Variants in HPSE2 observed in about 807,000 individuals in gnomAD.
HPSE2 encodes the protein heparanase 2 (inactive), also known as inactive heparanase-2.
A neutral mutation model predicts 60.5 loss-of-function variants in HPSE2; 38 were observed. The observed-to-expected ratio is 0.63, with a 90% CI of 0.48 to 0.82. The LOEUF is 0.82. HPSE2 is among the 40% of genes least tolerant of loss of function. HPSE2 has a pLI of 0.00. For synonymous variants in HPSE2, 295 were observed against 293.2 expected, an observed-to-expected ratio of 1.01 and a Z score of -0.06; for missense variants, 713 against 740.4, an observed-to-expected ratio of 0.96 and a Z score of 0.43.
chr10:98,466,559 C>T (rs1021145077), intron 11 of HPSE2, among the ~76,000 whole-genome samples: 9 of 149,096 alleles, frequency 6.0e-5, no homozygotes, highest in East Asian at 2.0e-4. Context: ...TGCAGTGAGC[C>T]GAGATTGCAC....
At chr10:99,306,934 G>A in the HPSE2 span, among the ~76,000 whole-genome samples, 4 of 151,888 alleles carry the variant, frequency 2.6e-5, no homozygotes, top group Non-Finnish European at 5.9e-5. Flanking sequence ...GGTCTCGAAC[G>A]CCCGACCTCA....
intron 2 of HPSE2, among the ~76,000 whole-genome samples, chr10:99,220,854 CTTTTTTTTT>C: frequency 1.1e-5 from 1 of 88,632 alleles, no homozygotes; most frequent in South Asian, 4.5e-4. Context: ...GAGGCTTTCA[CTTTTTTTTT>C]TTTTTTTTTT....
intron 3 of HPSE2, among the ~76,000 whole-genome samples, chr10:99,004,868 A>C (rs1447786616): frequency 6.6e-6 from 1 of 152,102 alleles, no homozygotes; most frequent in Non-Finnish European, 1.5e-5. Flanking sequence ...TTGTCTGAGA[A>C]AGTCTTGATC....
intron 9 of HPSE2, among the ~76,000 whole-genome samples, chr10:98,491,821 T>A (rs1941654908): frequency 6.6e-6 from 1 of 152,186 alleles, no homozygotes; most frequent in African/African-American, 2.4e-5. Context: ...TACAAAGTCA[T>A]ATTATATAAA....
intron 6 of HPSE2, among the ~76,000 whole-genome samples, chr10:98,659,632 C>G (rs1947170993): frequency 6.6e-6 from 1 of 152,132 alleles, no homozygotes; most frequent in South Asian, 2.1e-4. Context: ...TATTCATGAA[C>G]ATATATTTGT....
At chr10:98,587,595 A>G (rs2133935463) in intron 9 of HPSE2, among the ~76,000 whole-genome samples, 1 of 152,298 alleles carries the variant, frequency 6.6e-6, no homozygotes, top group Non-Finnish European at 1.5e-5. Context: ...CAAGTTACCA[A>G]ACAATGGCTG....
At chr10:99,099,366 G>T (rs551193173) in intron 3 of HPSE2, among the ~76,000 whole-genome samples, 1 of 152,222 alleles carries the variant, frequency 6.6e-6, no homozygotes, top group Non-Finnish European at 1.5e-5. Flanking sequence ...GGCTCACAGG[G>T]ACCCATGCCC....
chr10:98,668,701 C>G (rs186561951), intron 6 of HPSE2, among the ~76,000 whole-genome samples: 5 of 152,218 alleles, frequency 3.3e-5, no homozygotes, highest in Admixed American at 2.6e-4. Flanking sequence ...ACTGGCTAAC[C>G]ATATGCAAAA....
chr10:98,721,873 T>G, intron 4 of HPSE2, 45 bp from the exon 5 acceptor site: 1 of 1,509,838 alleles, frequency 6.6e-7, no homozygotes, highest in Non-Finnish European at 9.2e-7. Context: ...AAGTGTAAGG[T>G]TCTGCCAACA....
intron 3 of HPSE2, among the ~76,000 whole-genome samples, chr10:98,841,103 C>T (rs1256899576): frequency 6.6e-6 from 1 of 152,078 alleles, no homozygotes; most frequent in Non-Finnish European, 1.5e-5. Flanking sequence ...ACTAAAAATA[C>T]AAATATTAGC....
intron 5 of HPSE2, among the ~76,000 whole-genome samples, chr10:98,712,381 G>A (rs1948696043): frequency 6.6e-6 from 1 of 152,042 alleles, no homozygotes; most frequent in Non-Finnish European, 1.5e-5. Context: ...AGGGACTCAT[G>A]AAGTCAAAAG....
chr10:99,280,466 T>G, the HPSE2 span, among the ~76,000 whole-genome samples: 2 of 152,196 alleles, frequency 1.3e-5, no homozygotes, highest in Non-Finnish European at 2.9e-5. Context: ...TAGATTCATA[T>G]GCATTCCCAA....
intron 2 of HPSE2, among the ~76,000 whole-genome samples, chr10:99,197,234 G>A (rs528400840): frequency 9.2e-5 from 14 of 152,274 alleles, no homozygotes; most frequent in African/African-American, 3.4e-4. Flanking sequence ...AGGGTCATGG[G>A]GGGTTGGCAG....
At chr10:98,758,929 T>C (rs959323934) in intron 3 of HPSE2, among the ~76,000 whole-genome samples, 1 of 152,134 alleles carries the variant, frequency 6.6e-6, no homozygotes, top group Non-Finnish European at 1.5e-5. Context: ...AGACATGGAA[T>C]CAACCTAAAT....
chr10:99,305,979 G>GCGCGCGCGCGCGCGCGCACACACACACA, the HPSE2 span, among the ~76,000 whole-genome samples: 3 of 80,580 alleles, frequency 3.7e-5, no homozygotes, highest in Non-Finnish European at 7.1e-5. Flanking sequence ...GCGCGCGCGC[G>GCGCGCGCGCGCGCGCGCACACACACACA]CACACACACA....
chr10:99,138,996 T>C (rs1032751636), intron 3 of HPSE2, among the ~76,000 whole-genome samples: 4 of 152,144 alleles, frequency 2.6e-5, no homozygotes, highest in African/African-American at 9.7e-5. Context: ...TATATGTTTA[T>C]TGCAGCACAA....
intron 3 of HPSE2, among the ~76,000 whole-genome samples, chr10:99,045,594 G>T (rs1463520656): frequency 1.3e-5 from 2 of 151,994 alleles, no homozygotes; most frequent in Non-Finnish European, 2.9e-5. Context: ...TGGCTAGCTA[G>T]ATTAGCAATG....
chr10:99,123,303 G>A (rs1397121077), intron 3 of HPSE2, among the ~76,000 whole-genome samples: 1 of 152,064 alleles, frequency 6.6e-6, no homozygotes, highest in Non-Finnish European at 1.5e-5. Flanking sequence ...ATATGAAAAG[G>A]TAATTCACCA....
chr10:99,017,206 A>G (rs1379787223), intron 3 of HPSE2, among the ~76,000 whole-genome samples: 1 of 152,124 alleles, frequency 6.6e-6, no homozygotes, highest in Non-Finnish European at 1.5e-5. Flanking sequence ...TGTTCCTTCG[A>G]TACCTAGTTT....
Sources: allele counts gnomAD v4.1 joint callset (sites outside exome capture counted in the v4.1 genomes callset), GRCh38; gene constraint gnomAD v4.1.1; transcripts MANE v1.5; gene names NCBI Gene and HGNC (gene_info 2026-07-23, HGNC 2026-07-21).